DNAH6: variants seen among roughly 807,000 people sequenced by gnomAD.
DNAH6 encodes axonemal beta dynein heavy chain 6.
DNAH6 carries 340 observed loss-of-function variants against 491.4 expected under a neutral mutation model. That is an observed-to-expected ratio of 0.69 (90% CI 0.63 to 0.76). The LOEUF (loss-of-function observed/expected upper bound fraction) is 0.76, where lower values mean the gene tolerates loss of function less well. Among genes scored for constraint, DNAH6 ranks in the 30% least tolerant of loss-of-function variants. DNAH6 has a pLI of 0.00. For missense variants in DNAH6, 4,443 were observed against 4,972.2 expected (o/e 0.89, Z 3.20); for synonymous variants, 1,603 against 1,686.1 (o/e 0.95, Z 1.21).
chr2:84,499,182 C>T, the DNAH6 span, among the ~76,000 whole-genome samples: 1 of 152,138 alleles, frequency 6.6e-6, no homozygotes, highest in Non-Finnish European at 1.5e-5. Context: ...CCCACCTCCC[C>T]ACAAACCCCC....
chr2:84,726,163 G>A (rs1698607562), intron 60 of DNAH6, among the ~76,000 whole-genome samples: 1 of 152,172 alleles, frequency 6.6e-6, no homozygotes, highest in South Asian at 2.1e-4. Flanking sequence ...AGGGAGGAGT[G>A]GAGGATGCTT....
chr2:84,717,935 C>A (rs1185146166), intron 58 of DNAH6, among the ~76,000 whole-genome samples: 1 of 152,102 alleles, frequency 6.6e-6, no homozygotes, highest in East Asian at 1.9e-4. Flanking sequence ...GCAGGTCTTC[C>A]TAAGAGATGA....
chr2:84,709,343 C>T lies in DNAH6; in HGVS notation c.9049C>T (p.Leu3017Phe). The change falls in exon 55 of 77, where the codon CTT (leucine) becomes TTT (phenylalanine). Residue 3017 changes from leucine (L) to phenylalanine (F), a missense_variant and splice_region_variant. This residue lies in a region of DNAH6 where 1,463 missense variants were observed against 1,656.6 expected (regional missense o/e 0.88). Coordinates refer to ENST00000389394, the MANE Select transcript of DNAH6 (RefSeq NM_001370.2). ...GAFTAQYRQS[L>F]IECWIQDCQS... The stretch of plus-strand genomic sequence containing the variant: ...CAAGTAAGCTTTCCCCCTTCTACAG[C>T]TTATAGAGTGTTGGATCCAGGACTG... 6.4e-7 allele frequency: 1 copy of T among 1,551,594 alleles called. No individual in the cohort carries two copies.
At chr2:84,471,087 G>A in the DNAH6 span, among the ~76,000 whole-genome samples, 1 of 152,192 alleles carries the variant, frequency 6.6e-6, no homozygotes, top group Non-Finnish European at 1.5e-5. Flanking sequence ...CAAGGAGCCA[G>A]CAAGTCTAGA....
chr2:84,715,083 A>T (rs1697390448), intron 57 of DNAH6, among the ~76,000 whole-genome samples: 1 of 152,094 alleles, frequency 6.6e-6, no homozygotes, highest in Admixed American at 6.5e-5. Context: ...AAGCAAAGAC[A>T]CACTGTATCA....
At chr2:84,661,841 T>C (rs549354294) in intron 37 of DNAH6, among the ~76,000 whole-genome samples, 1 of 152,278 alleles carries the variant, frequency 6.6e-6, no homozygotes, top group Non-Finnish European at 1.5e-5. Context: ...TGAGATAATC[T>C]TGAAGGAACA....
intron 72 of DNAH6, among the ~76,000 whole-genome samples, chr2:84,811,018 T>A (rs1440094823): frequency 6.6e-6 from 1 of 152,200 alleles, no homozygotes. Flanking sequence ...TCCAGGTCTA[T>A]CATGGAGGAT....
intron 39 of DNAH6, 67 bp from the exon 40 acceptor site, chr2:84,672,260 T>C (rs1223394450): frequency 1.4e-6 from 2 of 1,475,948 alleles, no homozygotes; most frequent in African/African-American, 2.8e-5. Flanking sequence ...AGTCATACCC[T>C]AGCTTTGTCT....
chr2:84,683,381 C>T (rs1307245033), intron 42 of DNAH6, among the ~76,000 whole-genome samples: 3 of 150,470 alleles, frequency 2.0e-5, no homozygotes, highest in African/African-American at 4.9e-5. Flanking sequence ...CCTGACTCCC[C>T]ATCCAGTGCC....
At chr2:84,472,551 G>A in the DNAH6 span, among the ~76,000 whole-genome samples, 3 of 152,268 alleles carry the variant, frequency 2.0e-5, no homozygotes, top group East Asian at 5.8e-4. Context: ...AGGGAATTTG[G>A]AGATAAACCT....
chr2:84,567,541 A>G (rs547604811), intron 11 of DNAH6, among the ~76,000 whole-genome samples: 3 of 152,190 alleles, frequency 2.0e-5, no homozygotes, highest in Non-Finnish European at 4.4e-5. Flanking sequence ...AAAACAATCA[A>G]TGGGGAAAGG....
chr2:84,799,249 A>ATTAC (rs1678654253), intron 70 of DNAH6, among the ~76,000 whole-genome samples: 1 of 152,168 alleles, frequency 6.6e-6, no homozygotes, highest in Non-Finnish European at 1.5e-5. Flanking sequence ...CGGCCTCCCA[A>ATTAC]AGTGCTGGGA....
chr2:84,694,342 T>C lies in DNAH6; in HGVS notation c.7386T>C (p.His2462=). 1 of 1,552,428 alleles carries C rather than the reference T, an allele frequency of 6.4e-7. No individual in the cohort carries two copies. The highest frequency in any genetic ancestry group is 8.7e-7 in the Non-Finnish European group (1 of 1,147,140). ...AGTCACTCACGAGACTTGCAGCTCA[T>C]ATATGCGGTTACAAATGTTTGCAGA... The part of the protein sequence containing the change: ...GKQSLTRLAA[H]ICGYKCLQIE... The change falls in exon 46 of 77, where the codon CAT becomes CAC. Residue 2462 remains histidine, a synonymous_variant. Coordinates refer to ENST00000389394, the MANE Select transcript of DNAH6 (RefSeq NM_001370.2).
Position 84,722,718 on chromosome 2 carries a change from A to G in DNAH6, c.9886A>G (p.Thr3296Ala). Residue 3296 changes from threonine (T) to alanine (A), a missense_variant, in exon 60 of 77, where the codon ACT (threonine) becomes GCT (alanine). Physicochemically the swap from Thr to Ala is moderately conservative, Grantham distance 58. This residue lies in a region of DNAH6 where 1,463 missense variants were observed against 1,656.6 expected (regional missense o/e 0.88). Coordinates refer to ENST00000389394, the MANE Select transcript of DNAH6 (RefSeq NM_001370.2). ...TCGTGAGAAGTATCGTCCAGTGGCCACTCAAGGCTCTGTAATGTACTTTGT... is the reference window on the plus strand; with the variant it reads ...TCGTGAGAAGTATCGTCCAGTGGCCGCTCAAGGCTCTGTAATGTACTTTGT... ...VAREKYRPVA[T>A]QGSVMYFVIA... The G allele has an allele frequency of 1.3e-6, 2 of 1,548,824 alleles. No individual in the cohort carries two copies. Among genetic ancestry groups the G allele is most frequent in the Non-Finnish European group, 1.7e-6 (2 of 1,145,978 alleles).
intron 58 of DNAH6, among the ~76,000 whole-genome samples, chr2:84,716,078 T>C (rs1697499889): frequency 6.6e-6 from 1 of 151,492 alleles, no homozygotes; most frequent in South Asian, 2.1e-4. Flanking sequence ...ACTTCAAATA[T>C]ATGTGTGTGT....
At chr2:84,645,946 G>A (rs755332910) in intron 33 of DNAH6, among the ~76,000 whole-genome samples, 10 of 152,148 alleles carry the variant, frequency 6.6e-5, no homozygotes, top group Non-Finnish European at 1.2e-4. Flanking sequence ...GAGGGCAGAG[G>A]TATCTACAGG....
chr2:84,687,995 G>C (rs961997556), intron 44 of DNAH6, among the ~76,000 whole-genome samples: 1 of 152,080 alleles, frequency 6.6e-6, no homozygotes, highest in Admixed American at 6.6e-5. Context: ...AGCACTTTAG[G>C]AGGCAGAAGC....
At chr2:84,620,857 T>C (rs1687328678) in intron 24 of DNAH6, among the ~76,000 whole-genome samples, 1 of 152,152 alleles carries the variant, frequency 6.6e-6, no homozygotes, top group Non-Finnish European at 1.5e-5. Flanking sequence ...ATTTGGACTT[T>C]TCAGTTGGGA....
intron 62 of DNAH6, among the ~76,000 whole-genome samples, chr2:84,738,847 T>G (rs926704283): frequency 2.0e-5 from 3 of 152,176 alleles, no homozygotes; most frequent in African/African-American, 7.2e-5. Flanking sequence ...GTGTTAAAAT[T>G]GATATATGAG....
Sources: allele counts gnomAD v4.1 joint callset (sites outside exome capture counted in the v4.1 genomes callset), GRCh38; gene constraint gnomAD v4.1.1; regional missense constraint gnomAD v4.1.1; transcripts MANE v1.5; gene names NCBI Gene and HGNC (gene_info 2026-07-23, HGNC 2026-07-21).